Variants in ICA1L observed in about 807,000 individuals in gnomAD.
The protein encoded by ICA1L is islet cell autoantigen 1 like.
ICA1L carries 50 observed loss-of-function variants against 61.3 expected under a neutral mutation model. That is an observed-to-expected ratio of 0.82 (90% CI 0.65 to 1.03). The LOEUF is 1.03. ICA1L is among the 50% of genes least tolerant of loss of function. The pLI is 0.00. For synonymous variants in ICA1L, 161 were observed against 191.3 expected, an observed-to-expected ratio of 0.84 and a Z score of 1.31; for missense variants, 508 against 556.7, an observed-to-expected ratio of 0.91 and a Z score of 0.88.
Position 202,817,250 on chromosome 2 carries a change from T to A in ICA1L, c.684+168A>T, listed in dbSNP as rs185732407. 3.9e-5 allele frequency among the ~76,000 whole-genome samples: 6 copies of A among 152,326 alleles called. No homozygotes were observed. In the East Asian group the frequency reaches 1.2e-3, roughly 29 times the overall value. On this transcript the variant is annotated intron_variant, in intron 6 of 12. Transcript: ENST00000358299. ...AAGAGCTACAGAAGTAAACAGTCTC[T>A]AAGGTCTTTTTCAGAACTTTTTGAC...
Position 202,815,009 on chromosome 2 carries a change from G to C in ICA1L, c.784-225C>G, listed in dbSNP as rs531092191. On this transcript the variant is annotated intron_variant, in intron 7 of 12. Coordinates refer to ENST00000358299, the MANE Select transcript of ICA1L (RefSeq NM_001288622.3). Reference sequence around the variant, plus strand: ...GTGCAAACTGCACATATTGTGATGTGGGGTAGCCACAGATTAGTTTAACAA... The same window carrying C: ...GTGCAAACTGCACATATTGTGATGTCGGGTAGCCACAGATTAGTTTAACAA... Among the ~76,000 whole-genome samples the C allele has an allele frequency of 4.6e-5, 7 of 152,298 alleles. No homozygotes were observed. The South Asian group carries it at 1.5e-3, about 32-fold the overall frequency.
At chr2:202,844,693 G>GAT (rs1345863433) in intron 1 of ICA1L, 1 of 152,222 alleles carries the variant, frequency 6.6e-6, no homozygotes, top group Non-Finnish European at 1.5e-5. Context: ...AGAGGGTAGA[G>GAT]AGAGACTAGG....
rs1042018215 is a variant in ICA1L, at chr2:202,807,409, G to C, written c.910+4337C>G. Among the ~76,000 whole-genome samples, 96 of 152,148 alleles carry C rather than the reference G, an allele frequency of 6.3e-4. 2 individuals carry two copies. The highest frequency in any genetic ancestry group is 4.4e-5 in the Non-Finnish European group (3 of 68,030). ...CAGAATTCAGCCAGTACTCACAGAG[G>C]GGGCAGTTAGACCAGCCCCAGCCAG... is the stretch of plus-strand genomic sequence containing the variant. On this transcript the variant is annotated intron_variant, in intron 9 of 12. Transcript: ENST00000358299.
At chr2:202,855,493 A>T (rs1291111889) in intron 1 of ICA1L, among the ~76,000 whole-genome samples, 1 of 152,202 alleles carries the variant, frequency 6.6e-6, no homozygotes, top group African/African-American at 2.4e-5. Context: ...ACCATCAGAG[A>T]ATACTATAAA....
rs1692238560 is a variant in ICA1L, at chr2:202,776,853, C to CCTAA, written c.*2679_*2680insTTAG. 6.6e-6 allele frequency: 1 copy of CCTAA among 152,074 alleles called. No individual in the cohort carries two copies. Among genetic ancestry groups the CCTAA allele is most frequent in the African/African-American group, 2.4e-5 (1 of 41,410 alleles). 9.4% of individuals were successfully genotyped at this position (152,074 alleles called of 1,614,324 possible). A position where few individuals can be genotyped will look rare whatever the true frequency, so the allele number is the denominator to read the frequency against. On this transcript the variant is annotated 3_prime_UTR_variant, in exon 13 of 13. Transcript: ENST00000358299. ...TGTCTCCATTTCGGGAGAACTTTTG[C>CCTAA]TTTTGGAAAATTTAGGGTGTTCCTA...
intron 1 of ICA1L, among the ~76,000 whole-genome samples, chr2:202,850,966 G>T (rs1574378770): frequency 6.6e-6 from 1 of 151,542 alleles, no homozygotes; most frequent in East Asian, 1.9e-4. Context: ...CAAGCCAGAA[G>T]AGAGTGGGGG....
chr2:202,806,127 G>C (rs533316773), intron 9 of ICA1L, among the ~76,000 whole-genome samples: 1 of 152,096 alleles, frequency 6.6e-6, no homozygotes, highest in Admixed American at 6.5e-5. Flanking sequence ...AGCCAGCCAA[G>C]GAAGTGCTTA....
rs1692308382 is a variant in ICA1L, at chr2:202,778,838, A to C, written c.*695T>G. 1 of 152,652 alleles carries C rather than the reference A, an allele frequency of 6.6e-6. No individual in the cohort carries two copies. Among genetic ancestry groups the C allele is most frequent in the Non-Finnish European group, 1.5e-5 (1 of 68,026 alleles). 9.5% of individuals were successfully genotyped at this position (152,652 alleles called of 1,614,324 possible). A position where few individuals can be genotyped will look rare whatever the true frequency, so the allele number is the denominator to read the frequency against. On this transcript the variant is annotated 3_prime_UTR_variant, in exon 13 of 13. Transcript: ENST00000358299. Reference sequence around the variant, plus strand: ...TTCTGTTTCTGCAGAGGATGGGCTTAGCAAATTAATTATCCTGCTACTTCC... The same window carrying C: ...TTCTGTTTCTGCAGAGGATGGGCTTCGCAAATTAATTATCCTGCTACTTCC...
At chr2:202,782,118 G>T (rs576570261) in intron 12 of ICA1L, among the ~76,000 whole-genome samples, 85 of 152,082 alleles carry the variant, frequency 5.6e-4, no homozygotes, top group African/African-American at 1.6e-3. Flanking sequence ...GGCCAAGGCA[G>T]GTGGATCACT....
At chr2:202,860,101 C>G (rs1457319127) in intron 1 of ICA1L, 2 of 151,608 alleles carry the variant, frequency 1.3e-5, no homozygotes, top group African/African-American at 2.4e-5. Flanking sequence ...GACCCTGTCT[C>G]TAAAAAAAAT....
intron 4 of ICA1L, 158 bp from the exon 5 acceptor site, chr2:202,820,057 T>C (rs1368270518): frequency 1.6e-6 from 1 of 619,196 alleles, no homozygotes; most frequent in Non-Finnish European, 2.8e-6. Context: ...ATAAGGATCA[T>C]ATAGCCAACT....
intron 9 of ICA1L, among the ~76,000 whole-genome samples, chr2:202,803,540 CATT>C (rs1693147436): frequency 6.6e-6 from 1 of 151,628 alleles, no homozygotes; most frequent in African/African-American, 2.4e-5. Context: ...AGCCAAAAAT[CATT>C]ATTATTATTG....
At chr2:202,805,973 C>G (rs1402650065) in intron 9 of ICA1L, among the ~76,000 whole-genome samples, 1 of 152,186 alleles carries the variant, frequency 6.6e-6, no homozygotes, top group Non-Finnish European at 1.5e-5. Context: ...TATACGAGTT[C>G]ATGATTACAA....
intron 8 of ICA1L, among the ~76,000 whole-genome samples, chr2:202,813,835 G>T (rs1268343512): frequency 6.6e-6 from 1 of 152,172 alleles, no homozygotes; most frequent in African/African-American, 2.4e-5. Context: ...GTATTTTCAG[G>T]TAACCAGTCC....
intron 1 of ICA1L, among the ~76,000 whole-genome samples, chr2:202,854,577 A>C (rs1015744012): frequency 1.3e-5 from 2 of 152,228 alleles, no homozygotes; most frequent in Admixed American, 6.5e-5. Flanking sequence ...ACCCCAAATC[A>C]ACAGAATATA....
Position 202,785,987 on chromosome 2 carries a change from A to AT in ICA1L, c.1263dup (p.Ser422IlefsTer9). On this transcript the variant is annotated frameshift_variant, in exon 12 of 13. Transcript: ENST00000358299. LOFTEE classifies it high-confidence loss of function. The stretch of plus-strand genomic sequence containing the variant: ...TCAGTGTGTGAAAGACAAAGTTCTG[A>AT]TTCCTCTTGGGAGACCCAGTCTGGG... 1 of 1,608,586 alleles carries AT rather than the reference A, an allele frequency of 6.2e-7. No individual in the cohort carries two copies. Among genetic ancestry groups the AT allele is most frequent in the South Asian group, 1.1e-5 (1 of 90,508 alleles).
intron 1 of ICA1L, among the ~76,000 whole-genome samples, chr2:202,838,010 C>A (rs951588308): frequency 6.6e-6 from 1 of 152,108 alleles, no homozygotes; most frequent in East Asian, 1.9e-4. Context: ...CCCACCACCA[C>A]GCCTGGCTAA....
rs1166513884 is a variant in ICA1L, at chr2:202,849,183, C to A, written c.-7-20167G>T. Among the ~76,000 whole-genome samples, 3 of 152,214 alleles carry A rather than the reference C, an allele frequency of 2.0e-5. No homozygotes were observed. Among genetic ancestry groups the A allele is most frequent in the Non-Finnish European group, 4.4e-5 (3 of 68,030 alleles). ...CCACCAGGGCCCTGGGTTTCAAGCA[C>A]AAAACCGGGTGGCTGTTTGGGCAGA... On this transcript the variant is annotated intron_variant, in intron 1 of 12. Coordinates refer to ENST00000358299, the MANE Select transcript of ICA1L (RefSeq NM_001288622.3). The surrounding 1 kb of genome is among the most constrained non-coding windows in gnomAD (Gnocchi z 4.5).
intron 12 of ICA1L, among the ~76,000 whole-genome samples, chr2:202,782,770 A>AATT (rs995198032): frequency 7.3e-5 from 11 of 151,356 alleles, no homozygotes; most frequent in Admixed American, 3.9e-4. Context: ...TTTCCCCCTA[A>AATT]ATTTTTCCTC....
Sources: allele counts gnomAD v4.1 joint callset (sites outside exome capture counted in the v4.1 genomes callset), GRCh38; gene constraint gnomAD v4.1.1; non-coding constraint Gnocchi (gnomAD v3.1); transcripts MANE v1.5; gene names NCBI Gene and HGNC (gene_info 2026-07-23, HGNC 2026-07-21).